PSG3: variants seen among roughly 807,000 people sequenced by gnomAD.
The protein encoded by PSG3 is pregnancy-specific beta-1-glycoprotein 3.
In PSG3, 61 loss-of-function variants were observed where a neutral mutation model predicts 47.5. The ratio of observed to expected loss-of-function variants is 1.28; its 90% confidence interval spans 1.05 to 1.59. PSG3 has a LOEUF of 1.59. Among genes scored for constraint, PSG3 ranks in the 40% most tolerant of loss-of-function variants. The pLI is 0.00. For synonymous variants in PSG3, 263 were observed against 198.4 expected, an observed-to-expected ratio of 1.33 and a Z score of -2.74; for missense variants, 756 against 524.0, an observed-to-expected ratio of 1.44 and a Z score of -4.32.
At chr19:42,739,151 G>A (rs1044242183) in intron 1 of PSG3, 62 bp from the exon 2 acceptor site, 7 of 1,535,618 alleles carry the variant, frequency 4.6e-6, no homozygotes, top group Non-Finnish European at 5.3e-6. Flanking sequence ...AAAAGATGTG[G>A]CCCTGGGTCC....
chr19:42,728,762 G>A (rs1969415241), intron 5 of PSG3, among the ~76,000 whole-genome samples: 1 of 152,180 alleles, frequency 6.6e-6, no homozygotes, highest in African/African-American at 2.4e-5. Context: ...TCATAGAATA[G>A]GTACAAGAAA....
intron 1 of PSG3, 146 bp from the exon 2 acceptor site, chr19:42,739,235 AG>A: frequency 1.6e-6 from 2 of 1,277,856 alleles, no homozygotes; most frequent in Admixed American, 4.6e-5. Flanking sequence ...CACACACAAA[AG>A]GGGCATGTGT....
chr19:42,732,716 A>G (rs1229957614), intron 3 of PSG3, 68 bp downstream of exon 3: 40 of 1,614,008 alleles, frequency 2.5e-5, no homozygotes, highest in Non-Finnish European at 3.2e-5. Context: ...AGGGACTGAG[A>G]GGCCTGGCCT....
At position 42,740,312 on chromosome 19, in the gene PSG3, T is replaced by G. The variant is rs747326251; in HGVS notation, c.64+9A>C. On this transcript the variant is annotated intron_variant, in intron 1 of 6. Transcript: ENST00000327495. ...CCTCCTGTCCTCTCCCAGGAAGTTC[T>G]CTCCTCACCTGTGAGCAGGAGCCCC... The G allele has an allele frequency of 5.0e-6, 8 of 1,613,920 alleles. No individual in the cohort carries two copies. Among genetic ancestry groups the G allele is most frequent in the Non-Finnish European group, 5.1e-6 (6 of 1,179,848 alleles).
rs529321972 is a variant in PSG3, at chr19:42,721,927, A to G, written c.*204T>C. ...AATTTCATGAAGTATCAGCCTGTTC[A>G]TTAAAATTTTGAAAGTTCTTAGTCC... On this transcript the variant is annotated 3_prime_UTR_variant, in exon 7 of 7. Coordinates refer to ENST00000327495, the MANE Select transcript of PSG3 (RefSeq NM_021016.4). 2.4e-5 allele frequency: 10 copies of G among 415,374 alleles called. No individual in the cohort carries two copies. Among genetic ancestry groups the G allele is most frequent in the African/African-American group, 2.0e-4 (10 of 48,822 alleles). 25.7% of individuals were successfully genotyped at this position (415,374 alleles called of 1,614,324 possible).
At chr19:42,723,105 G>A (rs565425272) in intron 6 of PSG3, among the ~76,000 whole-genome samples, 11 of 152,294 alleles carry the variant, frequency 7.2e-5, no homozygotes, top group South Asian at 4.1e-4. Context: ...GTCTCCTGGC[G>A]TAGGGACCTT....
intron 5 of PSG3, among the ~76,000 whole-genome samples, chr19:42,725,046 T>C (rs1199621462): frequency 6.6e-6 from 1 of 152,206 alleles, no homozygotes; most frequent in African/African-American, 2.4e-5. Flanking sequence ...GGTGTAAAAC[T>C]TTCCTGGTGT....
chr19:42,739,563 C>G (rs1969632761), intron 1 of PSG3: 1 of 168,066 alleles, frequency 6.0e-6, no homozygotes, highest in Non-Finnish European at 1.3e-5. Flanking sequence ...ACAGCGTGAG[C>G]TCCGTGAGGA....
intron 5 of PSG3, among the ~76,000 whole-genome samples, chr19:42,726,409 C>T: frequency 6.6e-6 from 1 of 152,064 alleles, no homozygotes; most frequent in Non-Finnish European, 1.5e-5. Context: ...TGGAACAAAC[C>T]TATTAGAATT....
chr19:42,739,888 C>T (rs1969639907), intron 1 of PSG3, among the ~76,000 whole-genome samples: 1 of 152,100 alleles, frequency 6.6e-6, no homozygotes, highest in South Asian at 2.1e-4. Flanking sequence ...CCCTGTCCCT[C>T]TTGGGTGTAT....
intron 5 of PSG3, 115 bp downstream of exon 5, chr19:42,729,008 T>C: frequency 1.3e-6 from 2 of 1,586,484 alleles, no homozygotes; most frequent in Non-Finnish European, 1.7e-6. Flanking sequence ...AATTTGGGAT[T>C]TGCTTGTGCC....
chr19:42,740,195 A>G, intron 1 of PSG3, 126 bp downstream of exon 1: 1 of 1,577,684 alleles, frequency 6.3e-7, no homozygotes, highest in Non-Finnish European at 8.6e-7. Context: ...CTCGTGATCC[A>G]CCCTCCTCAG....
At chr19:42,730,188 T>C (rs536421916) in intron 3 of PSG3, 132 bp from the exon 4 acceptor site, 321 of 1,486,516 alleles carry the variant, frequency 2.2e-4, no homozygotes, top group Admixed American at 1.2e-3. Flanking sequence ...CTGGTGCGTG[T>C]GTCACAAGAC....
chr19:42,724,038 A>T lies in PSG3; in HGVS notation c.1244-13T>A. On this transcript the variant is annotated splice_polypyrimidine_tract_variant and intron_variant, in intron 5 of 6. Coordinates refer to ENST00000327495, the MANE Select transcript of PSG3 (RefSeq NM_021016.4). ...GTTCCTGAAGGAGCTGTCATGGAAA[A>T]AAAAGAAAAGAAGGAATGAAGATGA... 6.2e-7 allele frequency: 1 copy of T among 1,608,460 alleles called. No individual in the cohort carries two copies. Among genetic ancestry groups the T allele is most frequent in the Non-Finnish European group, 8.5e-7 (1 of 1,174,866 alleles).
chr19:42,726,233 C>G (rs577605814), intron 5 of PSG3, among the ~76,000 whole-genome samples: 5 of 152,088 alleles, frequency 3.3e-5, no homozygotes, highest in African/African-American at 7.2e-5. Context: ...TGAGCAGGAA[C>G]AAGACAAGGG....
rs567405613 is a variant in PSG3, at chr19:42,723,875, C to T, written c.*40+67G>A. 1.5e-4 allele frequency: 191 copies of T among 1,293,436 alleles called. 1 individual carries two copies. Among genetic ancestry groups the T allele is most frequent in the Middle Eastern group, 9.2e-4 (5 of 5,414 alleles). The allele number at this position is 1,293,436 out of a possible 1,614,324, so 80.1% of individuals were successfully genotyped here. On this transcript the variant is annotated intron_variant, in intron 6 of 6. Coordinates refer to ENST00000327495, the MANE Select transcript of PSG3 (RefSeq NM_021016.4). ...CAGTCCCAGATACAGGCAAATAAGT[C>T]TTTTCCCTCTCCCAAGCATGGCAGT... is the stretch of plus-strand genomic sequence containing the variant.
rs1295943502 is a variant in PSG3, at chr19:42,721,749, A to G, written c.*382T>C. 7.6e-6 allele frequency: 3 copies of G among 396,652 alleles called. No homozygotes were observed. Among genetic ancestry groups the G allele is most frequent in the African/African-American group, 6.2e-5 (3 of 48,478 alleles). 24.6% of individuals were successfully genotyped at this position (396,652 alleles called of 1,614,324 possible). On this transcript the variant is annotated 3_prime_UTR_variant, in exon 7 of 7. Transcript: ENST00000327495. ...AAAGCAAATGTTTCAATTTTTGTTT[A>G]CAAAAGTATACTTTACCAATTGCTG...
intron 1 of PSG3, chr19:42,739,382 C>A (rs536941540): frequency 2.5e-5 from 10 of 400,864 alleles, no homozygotes; most frequent in Admixed American, 1.6e-4. Flanking sequence ...CTCCACACTG[C>A]CCTCAGGTCC....
chr19:42,732,879 A>G lies in PSG3; in HGVS notation c.614T>C (p.Phe205Ser). Residue 205 changes from phenylalanine to serine, a missense_variant, in exon 3 of 7, where the codon TTT (phenylalanine) becomes TCT (serine). Phe to Ser is a radical substitution (Grantham distance 155, BLOSUM62 -2). Transcript: ENST00000327495. ...LSKNKRTLFL[F>S]GVTKYTAGPY... is the part of the protein sequence containing the mutation. ...TCCTGCAGTGTACTTTGTGACACCA[A>G]ATAGAAAGAGGGTCCTTTTGTTTTT... 6.2e-7 allele frequency: 1 copy of G among 1,614,106 alleles called. No individual in the cohort carries two copies. Among genetic ancestry groups the G allele is most frequent in the African/African-American group, 1.3e-5 (1 of 75,040 alleles).
Sources: allele counts gnomAD v4.1 joint callset (sites outside exome capture counted in the v4.1 genomes callset), GRCh38; gene constraint gnomAD v4.1.1; transcripts MANE v1.5; gene names NCBI Gene and HGNC (gene_info 2026-07-23, HGNC 2026-07-21).